The following SGCD variants were observed in gnomAD, a reference collection of about 807,000 sequenced individuals.
SGCD encodes the protein sarcoglycan delta, also known as delta-sarcoglycan.
Under a neutral mutation model 36.6 loss-of-function variants are expected in SGCD, and 18 were observed. That is an observed-to-expected ratio of 0.49 (90% CI 0.34 to 0.73). SGCD has a LOEUF of 0.73. SGCD is among the 30% of genes least tolerant of loss of function. The pLI is 0.01. For missense variants in SGCD, 387 were observed against 346.7 expected (o/e 1.12, Z -0.92); for synonymous variants, 133 against 130.6 (o/e 1.02, Z -0.12).
At chr5:156,691,410 CA>C (rs1234253813) in intron 7 of SGCD, among the ~76,000 whole-genome samples, 1 of 152,008 alleles carries the variant, frequency 6.6e-6, no homozygotes, top group Non-Finnish European at 1.5e-5. Context: ...ACTTGCATTG[CA>C]AAAAGCTCCC....
At chr5:156,743,762 A>G (rs1756809498) in intron 7 of SGCD, among the ~76,000 whole-genome samples, 1 of 152,148 alleles carries the variant, frequency 6.6e-6, no homozygotes. Context: ...AATATTATGA[A>G]TAGATTTTTC....
At chr5:156,214,133 G>C (rs1044881249) in intron 3 of SGCD, among the ~76,000 whole-genome samples, 1 of 151,948 alleles carries the variant, frequency 6.6e-6, no homozygotes, top group East Asian at 1.9e-4. Context: ...ATAAATAAAA[G>C]GCATCCAAAT....
intron 3 of SGCD, among the ~76,000 whole-genome samples, chr5:156,184,559 CTTATAT>C (rs1763690397): frequency 6.6e-6 from 1 of 152,084 alleles, no homozygotes; most frequent in Non-Finnish European, 1.5e-5. Context: ...CTTGTCCTGT[CTTATAT>C]TTATGAGACT....
At chr5:156,752,933 T>TTTAC (rs1757202697) in intron 7 of SGCD, among the ~76,000 whole-genome samples, 1 of 152,036 alleles carries the variant, frequency 6.6e-6, no homozygotes, top group African/African-American at 2.4e-5. Flanking sequence ...GGAATGTCAT[T>TTTAC]TTACTTACAG....
chr5:156,201,904 A>G (rs1027963671), intron 3 of SGCD, among the ~76,000 whole-genome samples: 1 of 152,048 alleles, frequency 6.6e-6, no homozygotes, highest in Admixed American at 6.6e-5. Flanking sequence ...TCCAGTGTGT[A>G]CCTTGTGAGT....
At chr5:156,717,635 C>G (rs556987013) in intron 7 of SGCD, among the ~76,000 whole-genome samples, 55 of 152,314 alleles carry the variant, frequency 3.6e-4, no homozygotes, top group African/African-American at 1.3e-3. Flanking sequence ...TGCAAACCAT[C>G]TAATCTAGGG....
At chr5:156,075,063 C>G (rs1760730344) in intron 1 of SGCD, among the ~76,000 whole-genome samples, 1 of 152,130 alleles carries the variant, frequency 6.6e-6, no homozygotes, top group Admixed American at 6.6e-5. Context: ...TTATATTTTT[C>G]ACAAATACAA....
At chr5:156,449,677 CAAAAAAAAAA>C (rs397883573) in intron 3 of SGCD, among the ~76,000 whole-genome samples, 10 of 46,056 alleles carry the variant, frequency 2.2e-4, no homozygotes, top group East Asian at 7.5e-4. Flanking sequence ...ACTAAAAATA[CAAAAAAAAAA>C]AAAAAAAAAA....
intron 6 of SGCD, among the ~76,000 whole-genome samples, chr5:156,630,700 A>G (rs1390115061): frequency 6.6e-6 from 1 of 152,212 alleles, no homozygotes; most frequent in Non-Finnish European, 1.5e-5. Flanking sequence ...TATAAACTCT[A>G]AAGTGACATT....
intron 3 of SGCD, among the ~76,000 whole-genome samples, chr5:156,344,890 A>G (rs1255950351): frequency 6.6e-6 from 1 of 152,186 alleles, no homozygotes; most frequent in Non-Finnish European, 1.5e-5. Flanking sequence ...CTCCAACTTA[A>G]AGATATTTCC....
intron 3 of SGCD, among the ~76,000 whole-genome samples, chr5:156,133,831 C>T (rs915358162): frequency 9.2e-5 from 14 of 151,608 alleles, no homozygotes; most frequent in Admixed American, 2.6e-4. Context: ...GAATTTTACC[C>T]AAGGTCTTTG....
intron 6 of SGCD, among the ~76,000 whole-genome samples, chr5:156,611,328 T>C (rs1460640338): frequency 1.3e-5 from 2 of 152,228 alleles, no homozygotes; most frequent in African/African-American, 2.4e-5. Context: ...AGCTTTTGCT[T>C]GTGTGCAAAA....
intron 1 of SGCD, among the ~76,000 whole-genome samples, chr5:155,995,798 TA>T (rs980931930): frequency 9.4e-5 from 14 of 148,708 alleles, no homozygotes; most frequent in South Asian, 2.1e-4. Flanking sequence ...AACCAATGGT[TA>T]AAAAAAAAAT....
chr5:156,237,353 G>T (rs2127654308), intron 3 of SGCD, among the ~76,000 whole-genome samples: 1 of 152,116 alleles, frequency 6.6e-6, no homozygotes, highest in East Asian at 1.9e-4. Flanking sequence ...GGCCGGGTGT[G>T]GTGCCTCATG....
At chr5:156,292,967 T>C (rs994298938) in intron 3 of SGCD, among the ~76,000 whole-genome samples, 1 of 152,164 alleles carries the variant, frequency 6.6e-6, no homozygotes, top group Non-Finnish European at 1.5e-5. Flanking sequence ...TTTAAGTTAC[T>C]GAGTTTTAGG....
chr5:156,741,163 A>G (rs1201539281), intron 7 of SGCD, among the ~76,000 whole-genome samples: 3 of 152,206 alleles, frequency 2.0e-5, no homozygotes, highest in Non-Finnish European at 4.4e-5. Context: ...AAGGATGGAA[A>G]CACAATATGA....
intron 1 of SGCD, among the ~76,000 whole-genome samples, chr5:155,877,061 C>T (rs1245157053): frequency 6.6e-6 from 1 of 152,004 alleles, no homozygotes; most frequent in African/African-American, 2.4e-5. Context: ...CATCAGCTAT[C>T]TTTTATATGT....
intron 3 of SGCD, among the ~76,000 whole-genome samples, chr5:156,453,246 C>T (rs1177070203): frequency 6.6e-6 from 1 of 152,070 alleles, no homozygotes; most frequent in Non-Finnish European, 1.5e-5. Context: ...GAAGAGGAAA[C>T]AGGATTGACT....
chr5:155,880,131 G>C (rs573172702), intron 1 of SGCD, among the ~76,000 whole-genome samples: 1 of 152,242 alleles, frequency 6.6e-6, no homozygotes, highest in Non-Finnish European at 1.5e-5. Flanking sequence ...TCCTGAAGCT[G>C]AGTACATGTG....
Sources: allele counts gnomAD v4.1 joint callset (sites outside exome capture counted in the v4.1 genomes callset), GRCh38; gene constraint gnomAD v4.1.1; transcripts MANE v1.5; gene names NCBI Gene and HGNC (gene_info 2026-07-23, HGNC 2026-07-21).